The following CCDC171 variants were observed in gnomAD, a reference collection of about 807,000 sequenced individuals.
CCDC171 encodes the protein coiled-coil domain-containing protein 171.
A neutral mutation model predicts 168.2 loss-of-function variants in CCDC171; 177 were observed. The ratio of observed to expected loss-of-function variants is 1.05; its 90% confidence interval spans 0.93 to 1.19. CCDC171 has a LOEUF of 1.19. CCDC171 is among the 50% of genes most tolerant of loss of function. The pLI is 0.00. For missense variants in CCDC171, 1,991 were observed against 1,539.0 expected (o/e 1.29, Z -4.91); for synonymous variants, 687 against 540.8 (o/e 1.27, Z -3.75).
chr9:16,066,813 A>G, the CCDC171 span, among the ~76,000 whole-genome samples: 6 of 149,418 alleles, frequency 4.0e-5, no homozygotes, highest in African/African-American at 1.5e-4. Context: ...ATGGCTGCAT[A>G]GTATTCCATG....
chr9:15,912,143 A>G (rs935948816), intron 24 of CCDC171, among the ~76,000 whole-genome samples: 2 of 152,222 alleles, frequency 1.3e-5, no homozygotes, highest in Non-Finnish European at 2.9e-5. Context: ...TTTGGGCAGT[A>G]TAGCCATTTT....
chr9:16,078,888 T>A, the CCDC171 span, among the ~76,000 whole-genome samples: 1 of 152,144 alleles, frequency 6.6e-6, no homozygotes, highest in African/African-American at 2.4e-5. Flanking sequence ...TTGGGTGTTT[T>A]GTACTTGTGG....
intron 23 of CCDC171, among the ~76,000 whole-genome samples, chr9:15,863,282 C>T (rs911680452): frequency 2.0e-5 from 3 of 151,932 alleles, no homozygotes; most frequent in Non-Finnish European, 4.4e-5. Flanking sequence ...CTTCAGTTTT[C>T]CCAGTGGTTT....
intron 25 of CCDC171, among the ~76,000 whole-genome samples, chr9:15,934,168 A>G (rs1268966461): frequency 1.3e-5 from 2 of 151,842 alleles, no homozygotes; most frequent in Non-Finnish European, 2.9e-5. Flanking sequence ...CTGAGGCAGG[A>G]GGATCACTTG....
the CCDC171 span, among the ~76,000 whole-genome samples, chr9:16,101,650 A>C: frequency 3.3e-5 from 5 of 152,250 alleles, no homozygotes; most frequent in African/African-American, 1.2e-4. Context: ...GAGAAAAAGG[A>C]AGTCAGGCCT....
At chr9:15,835,056 G>A (rs2060384923) in intron 21 of CCDC171, among the ~76,000 whole-genome samples, 1 of 152,178 alleles carries the variant, frequency 6.6e-6, no homozygotes, top group East Asian at 1.9e-4. Flanking sequence ...GCTGTGTCAT[G>A]GCTAAAAGTC....
chr9:15,942,950 C>T (rs1004615496), intron 25 of CCDC171, among the ~76,000 whole-genome samples: 1 of 151,764 alleles, frequency 6.6e-6, no homozygotes, highest in South Asian at 2.1e-4. Flanking sequence ...GAATGTCAGC[C>T]CACCTGAGAA....
At chr9:16,065,617 G>T (rs934146571), downstream of CCDC171, among the ~76,000 whole-genome samples, 1 of 152,168 alleles carries the variant, frequency 6.6e-6, no homozygotes, top group African/African-American at 2.4e-5. Context: ...TGAGGCAGAG[G>T]ATTAGACCAG....
At chr9:15,777,894 T>G (rs2057418056) in intron 19 of CCDC171, 68 bp downstream of exon 19, 5 of 1,063,392 alleles carry the variant, frequency 4.7e-6, no homozygotes, top group African/African-American at 1.6e-5. Context: ...TAGCCTAATT[T>G]GTAGTTTAAA....
intron 21 of CCDC171, among the ~76,000 whole-genome samples, chr9:15,836,527 A>G (rs1348876128): frequency 2.6e-5 from 4 of 151,796 alleles, no homozygotes; most frequent in African/African-American, 4.8e-5. Flanking sequence ...AATTTTTTGT[A>G]TTTTTAGTAG....
chr9:15,833,300 A>T (rs905356455), intron 21 of CCDC171, among the ~76,000 whole-genome samples: 2 of 152,052 alleles, frequency 1.3e-5, no homozygotes, highest in Non-Finnish European at 2.9e-5. Flanking sequence ...CCTCATTATG[A>T]TCTCATGAGA....
intron 7 of CCDC171, among the ~76,000 whole-genome samples, chr9:16,035,871 C>T (rs373204576): frequency 4.7e-4 from 72 of 152,276 alleles, no homozygotes; most frequent in African/African-American, 1.4e-3. Flanking sequence ...TAAATTCTAC[C>T]GCTATGCAGA....
intron 18 of CCDC171, among the ~76,000 whole-genome samples, chr9:15,760,736 A>G (rs1197268969): frequency 1.3e-5 from 2 of 152,214 alleles, no homozygotes; most frequent in African/African-American, 4.8e-5. Context: ...ATGCGTAGAA[A>G]GTGCTAAAGG....
chr9:15,571,954 A>G (rs555097293), intron 3 of CCDC171, among the ~76,000 whole-genome samples, 195 bp downstream of exon 3: 1 of 152,164 alleles, frequency 6.6e-6, no homozygotes, highest in Non-Finnish European at 1.5e-5. Context: ...TTAATGAATT[A>G]TGTTTATTTG....
downstream of CCDC171, chr9:16,061,622 A>G (rs892168003): frequency 5.9e-5 from 9 of 152,236 alleles, no homozygotes; most frequent in Non-Finnish European, 1.0e-4. Flanking sequence ...CACTAATGCT[A>G]ATACAATACT....
chr9:15,677,092 A>G (rs532701780), intron 9 of CCDC171, among the ~76,000 whole-genome samples: 4 of 152,090 alleles, frequency 2.6e-5, no homozygotes, highest in African/African-American at 9.6e-5. Flanking sequence ...AGCTCTTTCA[A>G]TTTTAGAGAC....
intron 1 of CCDC171, among the ~76,000 whole-genome samples, chr9:16,046,559 A>G (rs1271093866): frequency 2.6e-5 from 4 of 152,134 alleles, no homozygotes; most frequent in Non-Finnish European, 5.9e-5. Context: ...CCCAAATCTC[A>G]TCTTGAATTG....
chr9:15,565,370 A>G (rs1218565824), intron 2 of CCDC171, among the ~76,000 whole-genome samples: 1 of 152,070 alleles, frequency 6.6e-6, no homozygotes, highest in Non-Finnish European at 1.5e-5. Flanking sequence ...ATTTTTCTGA[A>G]GTGGGGTCTT....
At chr9:15,632,145 A>T (rs1389013182) in intron 7 of CCDC171, among the ~76,000 whole-genome samples, 1 of 150,930 alleles carries the variant, frequency 6.6e-6, no homozygotes, top group East Asian at 2.0e-4. Context: ...ACTCCTATTC[A>T]ACATAGTGTT....
Sources: allele counts gnomAD v4.1 joint callset (sites outside exome capture counted in the v4.1 genomes callset), GRCh38; gene constraint gnomAD v4.1.1; transcripts MANE v1.5; gene names NCBI Gene and HGNC (gene_info 2026-07-23, HGNC 2026-07-21).